Variants in ADAMTSL1 observed in about 807,000 individuals in gnomAD.
The protein encoded by ADAMTSL1 is ADAMTS like 1, also known as ADAMTS-like protein 1.
ADAMTSL1 carries 126 observed loss-of-function variants against 201.8 expected under a neutral mutation model. The observed-to-expected ratio is 0.62, with a 90% CI of 0.54 to 0.72. The LOEUF (loss-of-function observed/expected upper bound fraction) is 0.72, where lower values mean the gene tolerates loss of function less well. Among genes scored for constraint, ADAMTSL1 ranks in the 30% least tolerant of loss-of-function variants. The probability of loss-of-function intolerance (pLI) is 0.00; values close to 1 mark genes in which losing one functional copy is unlikely to be tolerated. For missense variants in ADAMTSL1, 2,679 were observed against 2,277.8 expected (o/e 1.18, Z -3.59); for synonymous variants, 1,121 against 903.4 (o/e 1.24, Z -4.32).
chr9:18,125,945 T>C (rs992943644), intron 1 of ADAMTSL1, among the ~76,000 whole-genome samples: 7 of 152,188 alleles, frequency 4.6e-5, no homozygotes, highest in Non-Finnish European at 7.3e-5. Context: ...CTACTTCTTA[T>C]TGAAATTGTG....
At chr9:17,940,435 CTGATGA>C (rs1827189950) in intron 1 of ADAMTSL1, among the ~76,000 whole-genome samples, 1 of 151,898 alleles carries the variant, frequency 6.6e-6, no homozygotes, top group South Asian at 2.1e-4. Context: ...GGAGAAGCAG[CTGATGA>C]AACTAGGAGA....
chr9:18,263,560 G>C (rs1365773209), intron 2 of ADAMTSL1, among the ~76,000 whole-genome samples: 1 of 152,148 alleles, frequency 6.6e-6, no homozygotes, highest in African/African-American at 2.4e-5. Context: ...ATTCCAGCCT[G>C]ACCGCAAATT....
intron 3 of ADAMTSL1, among the ~76,000 whole-genome samples, chr9:18,547,370 GT>G (rs533644471): frequency 9.7e-4 from 148 of 152,060 alleles, no homozygotes; most frequent in African/African-American, 3.4e-3. Context: ...GATAAAACCA[GT>G]GGCATAGCCA....
chr9:18,634,656 A>T (rs1826984216), intron 5 of ADAMTSL1, among the ~76,000 whole-genome samples: 1 of 151,508 alleles, frequency 6.6e-6, no homozygotes, highest in Admixed American at 6.6e-5. Flanking sequence ...TGGCCAATAT[A>T]GTGAAACCCC....
intron 2 of ADAMTSL1, among the ~76,000 whole-genome samples, chr9:18,165,521 C>T (rs933843125): frequency 1.3e-5 from 2 of 151,756 alleles, no homozygotes; most frequent in African/African-American, 4.8e-5. Flanking sequence ...GTTGAATTTC[C>T]TCAAAGGTAA....
At chr9:18,898,976 A>C (rs754001256) in intron 26 of ADAMTSL1, among the ~76,000 whole-genome samples, 15 of 152,048 alleles carry the variant, frequency 9.9e-5, no homozygotes, top group Non-Finnish European at 1.5e-4. Flanking sequence ...GAAAGAAAGC[A>C]AGCATATTCA....
At chr9:18,814,578 T>C (rs1037006642) in intron 20 of ADAMTSL1, among the ~76,000 whole-genome samples, 1 of 152,178 alleles carries the variant, frequency 6.6e-6, no homozygotes, top group Non-Finnish European at 1.5e-5. Context: ...ATCAAATTCT[T>C]TGTAGGAACA....
At chr9:18,096,024 C>T (rs949442002) in intron 1 of ADAMTSL1, among the ~76,000 whole-genome samples, 3 of 152,100 alleles carry the variant, frequency 2.0e-5, no homozygotes, top group Non-Finnish European at 2.9e-5. Flanking sequence ...TTCTGGTTGT[C>T]AGGAGCATAG....
intron 15 of ADAMTSL1, among the ~76,000 whole-genome samples, chr9:18,741,748 T>A (rs375932346): frequency 6.6e-6 from 1 of 152,220 alleles, no homozygotes; most frequent in Admixed American, 6.5e-5. Context: ...ATCTTTAGCA[T>A]CTGTCAGCCT....
At chr9:18,623,569 C>T (rs555926697) in intron 5 of ADAMTSL1, among the ~76,000 whole-genome samples, 47 of 152,142 alleles carry the variant, frequency 3.1e-4, no homozygotes, top group Admixed American at 7.2e-4. Context: ...GATGTCTACC[C>T]AGTCAGGTCC....
intron 1 of ADAMTSL1, among the ~76,000 whole-genome samples, chr9:17,918,229 A>T (rs1826177882): frequency 6.6e-6 from 1 of 151,742 alleles, no homozygotes; most frequent in Non-Finnish European, 1.5e-5. Context: ...TGTAAGGTGT[A>T]TGCTGAAGTC....
At chr9:18,545,627 T>G (rs1204225874) in intron 3 of ADAMTSL1, among the ~76,000 whole-genome samples, 3 of 152,166 alleles carry the variant, frequency 2.0e-5, no homozygotes, top group Non-Finnish European at 4.4e-5. Context: ...CCCTCTCCTT[T>G]GAGCGTCTCT....
intron 20 of ADAMTSL1, among the ~76,000 whole-genome samples, chr9:18,807,621 G>C (rs1051030770): frequency 1.3e-4 from 20 of 148,410 alleles, no homozygotes; most frequent in Non-Finnish European, 3.0e-4. Flanking sequence ...ACTCCAGCCA[G>C]GGCGACAGAG....
At chr9:18,016,941 A>C (rs1021845645) in intron 1 of ADAMTSL1, among the ~76,000 whole-genome samples, 3 of 152,024 alleles carry the variant, frequency 2.0e-5, no homozygotes, top group African/African-American at 7.2e-5. Context: ...GGGAGATAAC[A>C]CCATACACTT....
intron 2 of ADAMTSL1, among the ~76,000 whole-genome samples, chr9:18,274,104 G>C (rs1269177251): frequency 6.6e-6 from 1 of 152,234 alleles, no homozygotes; most frequent in East Asian, 1.9e-4. Context: ...AAGGAATTTA[G>C]ATATCTCTCA....
At chr9:18,065,580 A>G (rs1822656539) in intron 1 of ADAMTSL1, among the ~76,000 whole-genome samples, 1 of 152,220 alleles carries the variant, frequency 6.6e-6, no homozygotes, top group Non-Finnish European at 1.5e-5. Context: ...GGAAAAATAA[A>G]CACAGGGGTA....
At chr9:18,450,343 G>A (rs1820355858) in intron 2 of ADAMTSL1, among the ~76,000 whole-genome samples, 1 of 151,974 alleles carries the variant, frequency 6.6e-6, no homozygotes, top group African/African-American at 2.4e-5. Context: ...AGATTTTACT[G>A]TATTCAACTT....
rs907635615 is a variant in ADAMTSL1 at position 17,976,768 on chromosome 9, A to G, written c.87+69846A>G. Among the ~76,000 whole-genome samples the G allele has an allele frequency of 4.0e-5, 6 of 148,372 alleles. No individual in the cohort carries two copies. The East Asian group carries it at 7.9e-4, about 20-fold the overall frequency. ...TCCCCGATCCATCCATCCATCATCA[A>G]TCATCTACAAACAGATATAAATTTA... On this transcript the variant is annotated intron_variant, in intron 1 of 29. Coordinates refer to the ADAMTSL1 transcript ENST00000680146.
At chr9:18,566,870 C>T (rs1222394485) in intron 3 of ADAMTSL1, among the ~76,000 whole-genome samples, 1 of 152,156 alleles carries the variant, frequency 6.6e-6, no homozygotes, top group African/African-American at 2.4e-5. Flanking sequence ...GCAGGCATGA[C>T]ATGATGGCTC....
Sources: allele counts gnomAD v4.1 joint callset (sites outside exome capture counted in the v4.1 genomes callset), GRCh38; gene constraint gnomAD v4.1.1; transcripts MANE v1.5; gene names NCBI Gene and HGNC (gene_info 2026-07-23, HGNC 2026-07-21).